Variants in PALMD observed in about 807,000 individuals in gnomAD.
The protein encoded by PALMD is paralemmin-like protein.
In PALMD, 42 loss-of-function variants were observed where a neutral mutation model predicts 56.2. The ratio of observed to expected loss-of-function variants is 0.75; its 90% CI spans 0.58 to 0.97. PALMD has a LOEUF of 0.97. Ranked by LOEUF, PALMD falls within the 50% of genes least tolerant of loss-of-function variation. The pLI is 0.00. For missense variants in PALMD, 660 were observed against 643.8 expected (o/e 1.03, Z -0.27); for synonymous variants, 242 against 222.9 (o/e 1.09, Z -0.76).
At chr1:99,660,352 GA>G (rs1652820557) in intron 1 of PALMD, among the ~76,000 whole-genome samples, 1 of 152,230 alleles carries the variant, frequency 6.6e-6, no homozygotes, top group Non-Finnish European at 1.5e-5. Context: ...ATTGTCAGAT[GA>G]AACTTGGATG....
At chr1:99,674,352 A>G (rs1050678380) in intron 3 of PALMD, among the ~76,000 whole-genome samples, 2 of 152,134 alleles carry the variant, frequency 1.3e-5, no homozygotes, top group Admixed American at 6.5e-5. Context: ...CTCTTTATGG[A>G]GCACTATTCT....
intron 7 of PALMD, among the ~76,000 whole-genome samples, chr1:99,691,835 T>C (rs1162898553): frequency 6.6e-6 from 1 of 152,176 alleles, no homozygotes; most frequent in Non-Finnish European, 1.5e-5. Context: ...GCATAATAGT[T>C]AAGAATTGTT....
rs1234838855 is a variant in PALMD at position 99,667,767 on chromosome 1, G to A, written c.251+1G>A. The A allele has an allele frequency of 6.2e-7, 1 of 1,613,196 alleles. No individual in the cohort carries two copies. The highest frequency in any genetic ancestry group is 8.5e-7 in the Non-Finnish European group (1 of 1,179,372). ...AGGTTCTAGAACAAAGTATCCTCAG[G>A]TATGGCCCTCACTGAGATACTCCAC... is the stretch of plus-strand genomic sequence containing the variant. On this transcript the variant is annotated splice_donor_variant, in intron 3 of 7. Coordinates refer to ENST00000263174, the MANE Select transcript of PALMD (RefSeq NM_017734.5). LOFTEE classifies it high-confidence loss of function.
At position 99,646,256 on chromosome 1, in the gene PALMD, G is replaced by A; in HGVS notation, c.-62G>A. 7.5e-7 allele frequency: 1 copy of A among 1,336,792 alleles called. No individual in the cohort carries two copies. Among genetic ancestry groups the A allele is most frequent in the East Asian group, 2.3e-5 (1 of 43,484 alleles). The allele number at this position is 1,336,792 out of a possible 1,614,324, so 82.8% of individuals were successfully genotyped here. ...TCACCCCCGCTCCTCTCCCCCAGGA[G>A]GCTCCTTGATTTATGGTAGCTTTGG... On this transcript the variant is annotated 5_prime_UTR_variant, in exon 1 of 8. Coordinates refer to ENST00000263174, the MANE Select transcript of PALMD (RefSeq NM_017734.5).
intron 3 of PALMD, among the ~76,000 whole-genome samples, chr1:99,672,050 T>C (rs1028313257): frequency 6.6e-6 from 1 of 152,220 alleles, no homozygotes; most frequent in Admixed American, 6.5e-5. Context: ...TACCACTTTA[T>C]GTAGACATTT....
intron 3 of PALMD, among the ~76,000 whole-genome samples, chr1:99,670,078 T>C (rs1049810906): frequency 6.6e-6 from 1 of 152,218 alleles, no homozygotes; most frequent in African/African-American, 2.4e-5. Context: ...TTCTCTCTTA[T>C]AGAAAATCTT....
Position 99,686,914 on chromosome 1 carries a change from T to C in PALMD, c.367-16T>C. 6.5e-7 allele frequency: 1 copy of C among 1,544,188 alleles called. No individual in the cohort carries two copies. Among genetic ancestry groups the C allele is most frequent in the Non-Finnish European group, 8.9e-7 (1 of 1,124,068 alleles). On this transcript the variant is annotated splice_polypyrimidine_tract_variant and intron_variant, in intron 4 of 7. Transcript: ENST00000263174. Reference sequence around the variant, plus strand: ...TTTAAACTGTATTAATCATGGAGAATTCTTTTTTCTTACAGTCTGTGAAAG... The same window carrying C: ...TTTAAACTGTATTAATCATGGAGAACTCTTTTTTCTTACAGTCTGTGAAAG...
intron 1 of PALMD, among the ~76,000 whole-genome samples, chr1:99,658,167 G>T (rs370769601): frequency 2.6e-5 from 4 of 151,864 alleles, no homozygotes; most frequent in African/African-American, 4.8e-5. Context: ...ACCCGGGCAT[G>T]GTGGGGCATG....
At chr1:99,666,706 G>C (rs182602286) in intron 2 of PALMD, among the ~76,000 whole-genome samples, 97 of 152,136 alleles carry the variant, frequency 6.4e-4, no homozygotes, top group African/African-American at 2.2e-3. Flanking sequence ...TTTATTCCAG[G>C]AGAAAAAGAG....
intron 3 of PALMD, among the ~76,000 whole-genome samples, chr1:99,681,451 C>G (rs895426520): frequency 6.6e-6 from 1 of 151,474 alleles, no homozygotes; most frequent in Non-Finnish European, 1.5e-5. Flanking sequence ...AAATCAGGGC[C>G]GAATATTCTC....
chr1:99,685,989 T>C (rs1384638571), intron 3 of PALMD: 1 of 152,200 alleles, frequency 6.6e-6, no homozygotes, highest in Non-Finnish European at 1.5e-5. Context: ...GTCTCTTTGT[T>C]GCTGTAAGTT....
At chr1:99,681,854 G>A (rs1243682084) in intron 3 of PALMD, among the ~76,000 whole-genome samples, 6 of 152,132 alleles carry the variant, frequency 3.9e-5, no homozygotes, top group Admixed American at 3.9e-4. Context: ...CTCTGGTTAC[G>A]AACCACTGTA....
chr1:99,650,835 A>C (rs558772854), intron 1 of PALMD, among the ~76,000 whole-genome samples: 2 of 152,156 alleles, frequency 1.3e-5, no homozygotes, highest in Non-Finnish European at 2.9e-5. Flanking sequence ...ATTTTTCCTT[A>C]TTCGTTCTAT....
intron 1 of PALMD, among the ~76,000 whole-genome samples, chr1:99,658,616 A>C (rs559105101): frequency 6.6e-6 from 1 of 152,122 alleles, no homozygotes; most frequent in South Asian, 2.1e-4. Context: ...CTAAAAATAC[A>C]AAAAATTAAC....
At chr1:99,683,280 T>A (rs1653413689) in intron 3 of PALMD, 1 of 152,182 alleles carries the variant, frequency 6.6e-6, no homozygotes, top group Non-Finnish European at 1.5e-5. Context: ...ACTTATCCAC[T>A]CCTGTGGTGA....
chr1:99,677,484 C>T (rs11166290), intron 3 of PALMD, among the ~76,000 whole-genome samples: 5,573 of 152,090 alleles, frequency 0.037, 281 homozygotes, highest in African/African-American at 0.12. Flanking sequence ...TTTCTTTCTG[C>T]CTTGTTGCTT....
chr1:99,691,102 T>C (rs3766588), intron 7 of PALMD, among the ~76,000 whole-genome samples: 111,349 of 151,990 alleles, frequency 0.73, 41,827 homozygotes, highest in African/African-American at 0.91. Context: ...GTGATATGTC[T>C]CACAATGGAA....
intron 1 of PALMD, among the ~76,000 whole-genome samples, chr1:99,660,927 T>C (rs987553691): frequency 3.3e-5 from 5 of 152,166 alleles, no homozygotes; most frequent in Non-Finnish European, 2.9e-5. Flanking sequence ...AAGTCATATA[T>C]TCTCCTTACA....
chr1:99,667,928 G>T, intron 3 of PALMD, 162 bp downstream of exon 3: 3 of 612,748 alleles, frequency 4.9e-6, no homozygotes, highest in South Asian at 4.4e-5. Flanking sequence ...ACCCAGGCTG[G>T]AGTGCAGTGA....
Sources: gnomAD v4.1 joint callset for allele counts (sites outside exome capture counted in the v4.1 genomes callset) on GRCh38, gnomAD v4.1.1 for gene constraint, MANE v1.5 for transcripts, NCBI Gene and HGNC (gene_info 2026-07-23, HGNC 2026-07-21) for gene names.